The following AGBL4 variants were observed in gnomAD, a reference collection of about 807,000 sequenced individuals.
The protein encoded by AGBL4 is AGBL carboxypeptidase 4, also known as cytosolic carboxypeptidase 6.
Under a neutral mutation model 66.4 loss-of-function variants are expected in AGBL4, and 58 were observed. That is an observed-to-expected ratio of 0.87 (90% confidence interval 0.71 to 1.09). The LOEUF (loss-of-function observed/expected upper bound fraction) is 1.09. Among genes scored for constraint, AGBL4 ranks in the 50% least tolerant of loss-of-function variants. AGBL4 has a pLI of 0.00. For synonymous variants in AGBL4, 234 were observed against 222.9 expected, an observed-to-expected ratio of 1.05 and a Z score of -0.44; for missense variants, 579 against 631.0, an observed-to-expected ratio of 0.92 and a Z score of 0.88.
intron 1 of AGBL4, among the ~76,000 whole-genome samples, chr1:49,949,681 C>T (rs1655894487): frequency 6.6e-6 from 1 of 151,394 alleles, no homozygotes; most frequent in Admixed American, 6.6e-5. Flanking sequence ...GCATGAATGG[C>T]CATAATCAAA....
At chr1:48,541,989 CT>C (rs1366159846) in intron 11 of AGBL4, among the ~76,000 whole-genome samples, 2 of 152,118 alleles carry the variant, frequency 1.3e-5, no homozygotes, top group Non-Finnish European at 2.9e-5. Context: ...TATCCCTCCC[CT>C]AGCACCCAAC....
At chr1:49,159,354 T>C (rs1162615077) in intron 4 of AGBL4, among the ~76,000 whole-genome samples, 1 of 152,246 alleles carries the variant, frequency 6.6e-6, no homozygotes, top group Non-Finnish European at 1.5e-5. Flanking sequence ...AATTCTGGGT[T>C]GAAAATTCTT....
chr1:49,764,241 G>T (rs1486068414), intron 2 of AGBL4, among the ~76,000 whole-genome samples: 1 of 152,028 alleles, frequency 6.6e-6, no homozygotes, highest in Non-Finnish European at 1.5e-5. Flanking sequence ...GCATCGCCTG[G>T]GTGGGAGGGA....
intron 1 of AGBL4, among the ~76,000 whole-genome samples, chr1:49,886,772 G>A (rs999740856): frequency 6.6e-6 from 1 of 152,082 alleles, no homozygotes; most frequent in Non-Finnish European, 1.5e-5. Context: ...ATTTACATAT[G>A]TAATCTTGTC....
chr1:48,843,339 A>G (rs1006817997), intron 6 of AGBL4, among the ~76,000 whole-genome samples: 17 of 152,146 alleles, frequency 1.1e-4, no homozygotes, highest in Non-Finnish European at 2.1e-4. Context: ...TAGAGCTTAT[A>G]TAAATTTCTA....
rs200264270 is a variant in AGBL4 at position 49,961,426 on chromosome 1, GC to G, written c.34+62336del. On this transcript the variant is annotated intron_variant, in intron 1 of 13. Coordinates refer to ENST00000371839, the MANE Select transcript of AGBL4 (RefSeq NM_032785.4). ...AGACTGAGGGGAGACATCACTTTGAGCCCAGGATTTAGAGGCTGCAGTAAGC... is the reference window on the plus strand; with the variant it reads ...AGACTGAGGGGAGACATCACTTTGAGCCAGGATTTAGAGGCTGCAGTAAGC... Among the ~76,000 whole-genome samples the G allele has an allele frequency of 2.7e-3, 405 of 152,028 alleles. 3 individuals carry two copies. Among genetic ancestry groups the G allele is most frequent in the African/African-American group, 9.5e-3 (393 of 41,474 alleles).
At chr1:48,818,703 A>AT (rs1351817512) in intron 6 of AGBL4, among the ~76,000 whole-genome samples, 1 of 152,196 alleles carries the variant, frequency 6.6e-6, no homozygotes, top group Non-Finnish European at 1.5e-5. Context: ...TAATACTGTA[A>AT]TATTAAGAGA....
At chr1:49,091,258 G>T (rs61783560) in intron 4 of AGBL4, among the ~76,000 whole-genome samples, 3,784 of 152,124 alleles carry the variant, frequency 0.025, 146 homozygotes, top group Admixed American at 0.11. Context: ...AAGAGGTTCT[G>T]CATAGCAAAG....
chr1:48,990,915 CTTA>C (rs1350909241), intron 5 of AGBL4, among the ~76,000 whole-genome samples: 1 of 152,018 alleles, frequency 6.6e-6, no homozygotes, highest in Admixed American at 6.6e-5. Flanking sequence ...CTATTTATAT[CTTA>C]TTATATATGT....
At chr1:49,727,894 A>G (rs1649153140) in intron 2 of AGBL4, among the ~76,000 whole-genome samples, 1 of 152,142 alleles carries the variant, frequency 6.6e-6, no homozygotes, top group Non-Finnish European at 1.5e-5. Flanking sequence ...CATATTCCCC[A>G]AGGTGAAATA....
chr1:49,603,677 A>G (rs1186062218), intron 3 of AGBL4, among the ~76,000 whole-genome samples: 1 of 152,132 alleles, frequency 6.6e-6, no homozygotes, highest in Non-Finnish European at 1.5e-5. Flanking sequence ...CAAGTGGTGT[A>G]CATTATACCC....
intron 9 of AGBL4, among the ~76,000 whole-genome samples, chr1:48,630,137 A>G (rs1236402755): frequency 1.3e-5 from 2 of 152,206 alleles, no homozygotes; most frequent in Non-Finnish European, 2.9e-5. Context: ...ATGAAACACT[A>G]TGTCTCAGAT....
chr1:49,241,614 T>G (rs1256439228), intron 4 of AGBL4, among the ~76,000 whole-genome samples: 1 of 152,088 alleles, frequency 6.6e-6, no homozygotes, highest in Non-Finnish European at 1.5e-5. Flanking sequence ...ATGAAACATA[T>G]CTCTCTTGTC....
At chr1:49,623,426 T>C (rs1339506861) in intron 3 of AGBL4, among the ~76,000 whole-genome samples, 2 of 152,350 alleles carry the variant, frequency 1.3e-5, no homozygotes, top group East Asian at 3.9e-4. Flanking sequence ...ACAATATCTA[T>C]ATCAAGTCTC....
chr1:49,930,361 G>A (rs1054583693), intron 1 of AGBL4, among the ~76,000 whole-genome samples: 2 of 151,984 alleles, frequency 1.3e-5, no homozygotes, highest in African/African-American at 4.8e-5. Context: ...CCTTTTAGTT[G>A]TTGAACTCCA....
intron 6 of AGBL4, among the ~76,000 whole-genome samples, chr1:48,798,934 T>G (rs559809605): frequency 3.9e-5 from 6 of 152,352 alleles, no homozygotes; most frequent in Admixed American, 2.0e-4. Context: ...TGTAGTATAG[T>G]TTGAAGTCTG....
chr1:48,562,969 C>T (rs1192016498), intron 11 of AGBL4, among the ~76,000 whole-genome samples: 1 of 152,180 alleles, frequency 6.6e-6, no homozygotes, highest in Admixed American at 6.5e-5. Flanking sequence ...TCTTTGGTCT[C>T]TAGGTCTGAG....
Position 48,858,401 on chromosome 1 carries a change from G to A in AGBL4, c.634+8790C>T, listed in dbSNP as rs910361715. Among the ~76,000 whole-genome samples the A allele has an allele frequency of 3.7e-4, 57 of 152,206 alleles. No individual in the cohort carries two copies. In the Middle Eastern group the frequency reaches 0.01, roughly 27 times the overall value. On this transcript the variant is annotated intron_variant, in intron 6 of 13. Transcript: ENST00000371839. ...TGCAAATGTTCATAGCAGATTATTC[G>A]TAAAATCCCCAAATGGAAACATCCC...
intron 2 of AGBL4, among the ~76,000 whole-genome samples, chr1:49,754,508 G>A (rs1226624524): frequency 6.6e-6 from 1 of 152,066 alleles, no homozygotes; most frequent in Non-Finnish European, 1.5e-5. Flanking sequence ...TTGCCTGGAT[G>A]TCACCAGTGC....
Sources: gnomAD v4.1 joint callset for allele counts (sites outside exome capture counted in the v4.1 genomes callset) on GRCh38, gnomAD v4.1.1 for gene constraint, MANE v1.5 for transcripts, NCBI Gene and HGNC (gene_info 2026-07-23, HGNC 2026-07-21) for gene names.